The following PHF11 variants were observed in gnomAD, a reference collection of about 807,000 sequenced individuals.
The protein encoded by PHF11 is BRCA1 C-terminus-associated protein.
In PHF11, 38 loss-of-function variants were observed where a neutral mutation model predicts 40.5. That is an observed-to-expected ratio of 0.94 (90% CI 0.72 to 1.23). The LOEUF is 1.23. Ranked by LOEUF, PHF11 falls within the 50% of genes most tolerant of loss-of-function variation. The pLI is 0.00. For synonymous variants in PHF11, 127 were observed against 138.2 expected (o/e 0.92, Z 0.57); for missense variants, 369 against 392.4 (o/e 0.94, Z 0.50).
intron 1 of PHF11, among the ~76,000 whole-genome samples, chr13:49,501,965 A>G (rs1958915453): frequency 6.6e-6 from 1 of 151,692 alleles, no homozygotes; most frequent in Non-Finnish European, 1.5e-5. Flanking sequence ...TGCTGGGATT[A>G]CAGGTGTGAG....
chr13:49,523,225 G>A lies in PHF11; in HGVS notation c.621G>A (p.Glu207=). 3 of 1,611,468 alleles carry A rather than the reference G, an allele frequency of 1.9e-6. No homozygotes were observed. The highest frequency in any genetic ancestry group is 2.7e-5 in the African/African-American group (2 of 75,006). The change falls in exon 7 of 10, where the codon GAG becomes GAA. Residue 207 remains glutamate, a synonymous_variant. Coordinates refer to ENST00000378319, the MANE Select transcript of PHF11 (RefSeq NM_001040443.3). ...CNTFIRQVKE[E]HGRHTDATVK... ...CATTCATAAGACAAGTGAAAGAAGA[G>A]CATGGCAGACACACAGGTTTGCGCT... is the stretch of plus-strand genomic sequence containing the variant.
chr13:49,518,788 C>A (rs903498799), intron 4 of PHF11: 1 of 151,418 alleles, frequency 6.6e-6, no homozygotes, highest in Non-Finnish European at 1.5e-5. Flanking sequence ...ACTATATATT[C>A]TAAAACAAGA....
At chr13:49,520,967 G>T in intron 5 of PHF11, 27 bp downstream of exon 5, 1 of 1,542,898 alleles carries the variant, frequency 6.5e-7, no homozygotes, top group Non-Finnish European at 8.9e-7. Context: ...TAGCACTGTG[G>T]GTTTTAAAGA....
chr13:49,520,657 T>TGAAAGA (rs1959183281), intron 4 of PHF11, among the ~76,000 whole-genome samples: 2 of 152,036 alleles, frequency 1.3e-5, no homozygotes, highest in Admixed American at 1.3e-4. Flanking sequence ...CAGTACTCAT[T>TGAAAGA]CCTTGAAAGA....
Position 49,528,706 on chromosome 13 carries a change from A to G in PHF11, c.*41A>G, listed in dbSNP as rs555500735. 1.8e-5 allele frequency: 27 copies of G among 1,471,434 alleles called. No homozygotes were observed. The African/African-American group carries it at 2.4e-4, about 13-fold the overall frequency. 91.1% of individuals were successfully genotyped at this position (1,471,434 alleles called of 1,614,324 possible). A position where few individuals can be genotyped will look rare whatever the true frequency, so the allele number is the denominator to read the frequency against. ...AAGCCAAGAGTCATGTCAAATTGCA[A>G]TCAGGCTCAAAACCAGAGACCAGGC... On this transcript the variant is annotated 3_prime_UTR_variant, in exon 10 of 10. Transcript: ENST00000378319.
intron 7 of PHF11, chr13:49,523,462 G>A: frequency 1.9e-6 from 1 of 538,590 alleles, no homozygotes; most frequent in Non-Finnish European, 3.3e-6. Context: ...ATTAAGAAAA[G>A]ATAGACTTCT....
Position 49,522,054 on chromosome 13 carries a change from G to A in PHF11, c.517G>A (p.Gly173Arg), listed in dbSNP as rs763416985. The A allele has an allele frequency of 9.3e-6, 14 of 1,509,804 alleles. No individual in the cohort carries two copies. Among genetic ancestry groups the A allele is most frequent in the Admixed American group, 5.1e-5 (3 of 59,216 alleles). 93.5% of individuals were successfully genotyped at this position (1,509,804 alleles called of 1,614,324 possible). ...PIIAQSAKFS[G>R]VKRKRGRKKP... Reference sequence around the variant, plus strand: ...GTTTATATTTTTAGCTAAATTTTCAGGAGTGAAAAGAAAAAGAGGAAGGAA... The same window carrying A: ...GTTTATATTTTTAGCTAAATTTTCAAGAGTGAAAAGAAAAAGAGGAAGGAA... The change falls in exon 6 of 10, where the codon GGA becomes AGA. Residue 173 changes from glycine (G) to arginine (R), a missense_variant. Transcript: ENST00000378319.
chr13:49,518,263 G>A, intron 4 of PHF11, 112 bp downstream of exon 4: 3 of 668,176 alleles, frequency 4.5e-6, no homozygotes, highest in South Asian at 3.2e-5. Context: ...TTTCAAATGA[G>A]AACAAAGCCA....
rs764011822 is a variant in PHF11 at position 49,524,083 on chromosome 13, A to G, written c.638-2A>G. ...CTTCTCAAATGTTTGTCTTATTCTT[A>G]GATGCAACTGTGAAAGTTCCTTTTC... On this transcript the variant is annotated splice_acceptor_variant, in intron 7 of 9. Coordinates refer to ENST00000378319, the MANE Select transcript of PHF11 (RefSeq NM_001040443.3). LOFTEE classifies it high-confidence loss of function. 4 of 1,603,478 alleles carry G rather than the reference A, an allele frequency of 2.5e-6. No homozygotes were observed. In the African/African-American group the frequency reaches 4.0e-5, roughly 16 times the overall value.
chr13:49,516,996 T>G (rs1012360436), intron 3 of PHF11, among the ~76,000 whole-genome samples: 11 of 151,158 alleles, frequency 7.3e-5, no homozygotes, highest in African/African-American at 2.7e-4. Context: ...CTTTAAGAGT[T>G]TTTTGTTTAA....
chr13:49,521,043 A>T, intron 5 of PHF11, 103 bp downstream of exon 5: 1 of 1,422,502 alleles, frequency 7.0e-7, no homozygotes, highest in Non-Finnish European at 9.4e-7. Context: ...TAAAATACAA[A>T]TGTTTGAGTT....
rs1566185287 is a variant in PHF11, at chr13:49,501,004, T to TTTTTG, written c.94+4913_94+4914insGTTTT. Reference sequence around the variant, plus strand: ...ATTTGGGAGTCACCAACTTTTGTTTTTTTTTTTTTTTGGTTTTTTTTTTTC... The same window carrying TTTTTG: ...ATTTGGGAGTCACCAACTTTTGTTTTTTTTGTTTTTTTTTTTGGTTTTTTTTTTTC... On this transcript the variant is annotated intron_variant, in intron 1 of 9. Transcript: ENST00000378319. Among the ~76,000 whole-genome samples the TTTTTG allele has an allele frequency of 8.1e-4, 98 of 121,506 alleles. 3 individuals are homozygous for TTTTTG. Among genetic ancestry groups the TTTTTG allele is most frequent in the African/African-American group, 3.7e-3 (93 of 25,012 alleles). 79.7% of individuals were successfully genotyped at this position (121,506 alleles called of 152,430 possible). A position where few individuals can be genotyped will look rare whatever the true frequency, so the allele number is the denominator to read the frequency against.
intron 1 of PHF11, chr13:49,497,286 T>G: frequency 1.1e-6 from 1 of 881,146 alleles, no homozygotes; most frequent in Non-Finnish European, 1.6e-6. Context: ...AACCAACTTC[T>G]TCCATTTCTG....
At chr13:49,523,534 A>C in intron 7 of PHF11, 1 of 407,228 alleles carries the variant, frequency 2.5e-6, no homozygotes, top group South Asian at 3.3e-5. Flanking sequence ...CACCCCTCAC[A>C]CTGTGACCCC....
chr13:49,526,844 T>C (rs1959316298), intron 9 of PHF11, among the ~76,000 whole-genome samples: 1 of 152,156 alleles, frequency 6.6e-6, no homozygotes, highest in Non-Finnish European at 1.5e-5. Flanking sequence ...AATTGGAGCA[T>C]ATTTTGGCCT....
chr13:49,523,321 A>AT, intron 7 of PHF11, 80 bp downstream of exon 7: 3 of 888,662 alleles, frequency 3.4e-6, no homozygotes, highest in Non-Finnish European at 5.6e-6. Context: ...CAAACTTGGT[A>AT]TCCCGCCTAA....
intron 6 of PHF11, among the ~76,000 whole-genome samples, chr13:49,522,708 T>C (rs1401013384): frequency 6.6e-6 from 1 of 151,692 alleles, no homozygotes; most frequent in Admixed American, 6.6e-5. Flanking sequence ...TAATGTTTTA[T>C]AATACAAAAC....
chr13:49,521,103 T>C, intron 5 of PHF11, 163 bp downstream of exon 5: 1 of 1,318,820 alleles, frequency 7.6e-7, no homozygotes, highest in Non-Finnish European at 9.7e-7. Context: ...TACTATGTGA[T>C]ATGACTGACT....
At chr13:49,510,540 T>C (rs908383821) in intron 2 of PHF11, among the ~76,000 whole-genome samples, 3 of 152,058 alleles carry the variant, frequency 2.0e-5, no homozygotes, top group Middle Eastern at 3.2e-3. Flanking sequence ...TGGAGTGGCA[T>C]AATCATAGCT....
Sources: allele counts gnomAD v4.1 joint callset (sites outside exome capture counted in the v4.1 genomes callset), GRCh38; gene constraint gnomAD v4.1.1; transcripts MANE v1.5; gene names NCBI Gene and HGNC (gene_info 2026-07-23, HGNC 2026-07-21).